Variants in SCOC observed in about 807,000 individuals in gnomAD.
SCOC encodes short coiled-coil protein.
Under a neutral mutation model 9.9 loss-of-function variants are expected in SCOC, and 7 were observed. The observed-to-expected ratio is 0.71, with a 90% CI of 0.40 to 1.33. The LOEUF (loss-of-function observed/expected upper bound fraction) is 1.33, where lower values mean the gene tolerates loss of function less well. SCOC is among the 40% of genes most tolerant of loss of function. The probability of loss-of-function intolerance (pLI) is 0.01; values close to 1 mark genes in which losing one functional copy is unlikely to be tolerated. For synonymous variants in SCOC, 19 were observed against 28.2 expected (o/e 0.67, Z 1.03); for missense variants, 66 against 89.7 (o/e 0.74, Z 1.07).
intron 2 of SCOC, among the ~76,000 whole-genome samples, chr4:140,349,730 C>A (rs1045531047): frequency 1.3e-5 from 2 of 152,182 alleles, no homozygotes; most frequent in Admixed American, 6.5e-5. Flanking sequence ...TCAAATAAAT[C>A]TGGCCTTCTC....
intron 2 of SCOC, among the ~76,000 whole-genome samples, chr4:140,352,333 C>A (rs1727017636): frequency 6.6e-6 from 1 of 152,152 alleles, no homozygotes; most frequent in Admixed American, 6.5e-5. Flanking sequence ...CATTTGGGAT[C>A]CATATAAGTA....
At chr4:140,258,825 C>G (rs1210964252) in intron 1 of SCOC, among the ~76,000 whole-genome samples, 1 of 152,212 alleles carries the variant, frequency 6.6e-6, no homozygotes, top group Non-Finnish European at 1.5e-5. Flanking sequence ...TATGTGCTGA[C>G]ATTTCTTCCT....
At chr4:140,340,444 C>T (rs1160396), upstream of SCOC, among the ~76,000 whole-genome samples, 29,816 of 151,372 alleles carry the variant, frequency 0.2, 3,809 homozygotes, top group African/African-American at 0.36. Context: ...TACACATGTA[C>T]CCTAAAACTT....
At chr4:140,325,043 T>C (rs1208595810) in intron 1 of SCOC, among the ~76,000 whole-genome samples, 1 of 152,114 alleles carries the variant, frequency 6.6e-6, no homozygotes, top group Admixed American at 6.5e-5. Context: ...TATTGTCAGC[T>C]GATTTTTAAC....
intron 1 of SCOC, among the ~76,000 whole-genome samples, chr4:140,301,902 G>T (rs935816306): frequency 6.6e-6 from 1 of 152,108 alleles, no homozygotes; most frequent in African/African-American, 2.4e-5. Context: ...TACAATCTTG[G>T]CTCATTGCAG....
chr4:140,348,025 GTA>G (rs1354064442), intron 2 of SCOC, among the ~76,000 whole-genome samples: 20 of 151,902 alleles, frequency 1.3e-4, no homozygotes, highest in Non-Finnish European at 1.5e-5. Flanking sequence ...AATAAAAATT[GTA>G]TATGTTTATG....
intron 2 of SCOC, among the ~76,000 whole-genome samples, chr4:140,361,927 G>C (rs1005360292): frequency 1.3e-5 from 2 of 152,152 alleles, no homozygotes; most frequent in South Asian, 2.1e-4. Flanking sequence ...CTATAATAAA[G>C]AATGAGTTGC....
chr4:140,354,509 CT>C (rs397878492), intron 2 of SCOC, among the ~76,000 whole-genome samples: 25,256 of 103,724 alleles, frequency 0.24, 1,779 homozygotes, highest in East Asian at 0.38. Flanking sequence ...TCTCAAAGAA[CT>C]TTTTTTTTTT....
intron 1 of SCOC, among the ~76,000 whole-genome samples, chr4:140,261,682 A>C (rs1448458356): frequency 2.6e-5 from 4 of 152,264 alleles, no homozygotes; most frequent in Non-Finnish European, 4.4e-5. Context: ...ATCATGTACC[A>C]GTTACAAAGT....
intron 1 of SCOC, among the ~76,000 whole-genome samples, chr4:140,264,437 T>C (rs1283299049): frequency 6.6e-6 from 1 of 152,204 alleles, no homozygotes; most frequent in Non-Finnish European, 1.5e-5. Context: ...AGGGAAATAA[T>C]AATTGTACCT....
intron 1 of SCOC, among the ~76,000 whole-genome samples, chr4:140,316,248 G>T (rs2126474806): frequency 6.6e-6 from 1 of 152,230 alleles, no homozygotes; most frequent in African/African-American, 2.4e-5. Context: ...TGTTTCACTT[G>T]ATCCTTCTTA....
chr4:140,379,783 T>C (rs895236758), intron 3 of SCOC, 131 bp downstream of exon 3: 1 of 619,006 alleles, frequency 1.6e-6, no homozygotes, highest in Admixed American at 3.0e-5. Flanking sequence ...CACACATATA[T>C]ATATCTATCT....
chr4:140,380,197 T>TC (rs1728513978), intron 3 of SCOC, among the ~76,000 whole-genome samples: 1 of 138,060 alleles, frequency 7.2e-6, no homozygotes, highest in Non-Finnish European at 1.6e-5. Context: ...TCTTTTTCTT[T>TC]TTTTTTTTTT....
At chr4:140,335,032 G>GGTGT in intron 1 of SCOC, among the ~76,000 whole-genome samples, 2 of 152,092 alleles carry the variant, frequency 1.3e-5, no homozygotes, top group African/African-American at 4.8e-5. Context: ...TATTTCACTT[G>GGTGT]GTATGTGTGT....
chr4:140,362,110 T>G (rs1183280576), intron 2 of SCOC, among the ~76,000 whole-genome samples: 2 of 151,652 alleles, frequency 1.3e-5, no homozygotes, highest in African/African-American at 4.8e-5. Flanking sequence ...TTCTTTAGTT[T>G]TCTGCCTTCA....
chr4:140,379,770 G>A (rs928531183), intron 3 of SCOC, 118 bp downstream of exon 3: 1 of 671,562 alleles, frequency 1.5e-6, no homozygotes, highest in South Asian at 1.8e-5. Context: ...GAACTTCAAA[G>A]TACACACATA....
intron 1 of SCOC, among the ~76,000 whole-genome samples, chr4:140,309,496 C>T (rs1307714628): frequency 6.6e-6 from 1 of 152,142 alleles, no homozygotes; most frequent in East Asian, 1.9e-4. Context: ...GAGGCATTGT[C>T]ACATCCTGTA....
Position 140,335,542 on chromosome 4 carries a change from A to T in SCOC, c.-18-8079A>T, listed in dbSNP as rs544831936. The stretch of plus-strand genomic sequence containing the variant: ...AAATATCCAAATAGTTTCGCATGAA[A>T]TTACTCCCAAAGAAAGAGAACCTTT... On this transcript the variant is annotated intron_variant, in intron 1 of 4. Coordinates refer to the SCOC transcript ENST00000394205. Among the ~76,000 whole-genome samples, 8 of 152,352 alleles carry T rather than the reference A, an allele frequency of 5.3e-5. No individual in the cohort carries two copies. In the South Asian group the frequency reaches 1.7e-3, roughly 32 times the overall value.
intron 1 of SCOC, among the ~76,000 whole-genome samples, chr4:140,329,189 T>A (rs1204787488): frequency 6.6e-6 from 1 of 151,984 alleles, no homozygotes; most frequent in Non-Finnish European, 1.5e-5. Flanking sequence ...AGCAAAAACA[T>A]AAATTGGGAA....
Sources: gnomAD v4.1 joint callset for allele counts (sites outside exome capture counted in the v4.1 genomes callset) on GRCh38, gnomAD v4.1.1 for gene constraint, MANE v1.5 for transcripts, NCBI Gene and HGNC (gene_info 2026-07-23, HGNC 2026-07-21) for gene names.